Variants in LRRC4C observed in about 807,000 individuals in gnomAD.
The protein encoded by LRRC4C is leucine rich repeat containing 4C.
LRRC4C carries 5 observed loss-of-function variants against 33.6 expected under a neutral mutation model. That is an observed-to-expected ratio of 0.15 (90% CI 0.08 to 0.31). The LOEUF (loss-of-function observed/expected upper bound fraction) is 0.31, where lower values mean the gene tolerates loss of function less well. Among genes scored for constraint, LRRC4C ranks in the 10% least tolerant of loss-of-function variants. The pLI is 1.00. For missense variants in LRRC4C, 560 were observed against 796.7 expected (o/e 0.70, Z 3.58); for synonymous variants, 329 against 302.0 (o/e 1.09, Z -0.93).
At chr11:40,569,964 A>G (rs1957917936) in intron 3 of LRRC4C, among the ~76,000 whole-genome samples, 1 of 152,046 alleles carries the variant, frequency 6.6e-6, no homozygotes, top group East Asian at 1.9e-4. Flanking sequence ...TGCTCCATGG[A>G]GTTTGTACAA....
chr11:40,273,821 AAT>A (rs1565215058), intron 4 of LRRC4C, among the ~76,000 whole-genome samples: 1 of 152,168 alleles, frequency 6.6e-6, no homozygotes, highest in Non-Finnish European at 1.5e-5. Flanking sequence ...CAGAAATGAA[AAT>A]AGATATGACT....
intron 2 of LRRC4C, among the ~76,000 whole-genome samples, chr11:40,870,334 T>C (rs1042523063): frequency 2.0e-5 from 3 of 152,124 alleles, no homozygotes; most frequent in African/African-American, 7.2e-5. Context: ...GCATGGGATA[T>C]GGTGTGGAGG....
intron 2 of LRRC4C, among the ~76,000 whole-genome samples, chr11:40,911,423 C>T (rs114363237): frequency 9.1e-4 from 139 of 152,284 alleles, no homozygotes; most frequent in African/African-American, 3.2e-3. Context: ...GACGCTGATA[C>T]CCAGGCAAAT....
chr11:40,938,147 T>C (rs1015437499), intron 1 of LRRC4C, among the ~76,000 whole-genome samples: 2 of 152,194 alleles, frequency 1.3e-5, no homozygotes, highest in African/African-American at 2.4e-5. Context: ...TTATCCTGCA[T>C]TGGCAGAAAG....
chr11:41,376,961 A>G (rs1034254856), intron 1 of LRRC4C, among the ~76,000 whole-genome samples: 1 of 152,166 alleles, frequency 6.6e-6, no homozygotes, highest in African/African-American at 2.4e-5. Flanking sequence ...ATGTTATGAA[A>G]GAGAAAAGGG....
In LRRC4C at chr11:41,407,128, A is replaced by C. The variant is rs1362785686; in HGVS notation, c.-496+52303T>G. 2.0e-5 allele frequency among the ~76,000 whole-genome samples: 3 copies of C among 152,240 alleles called. No individual in the cohort carries two copies. In the East Asian group the frequency reaches 5.8e-4, roughly 29 times the overall value. On this transcript the variant is annotated intron_variant, in intron 1 of 6. Coordinates refer to ENST00000528697, the MANE Select transcript of LRRC4C (RefSeq NM_001258419.2). ...GGTCTCTGAATTTGAAAGGTCTTTC[A>C]GTGTCTATGGACCACGAAAAAACTG...
chr11:41,366,385 GATA>G (rs1453200275), intron 1 of LRRC4C, among the ~76,000 whole-genome samples: 1 of 151,978 alleles, frequency 6.6e-6, no homozygotes, highest in Non-Finnish European at 1.5e-5. Context: ...GGTAAAGTGG[GATA>G]ATAATTTAAC....
At chr11:41,241,495 G>T (rs954866086) in intron 1 of LRRC4C, among the ~76,000 whole-genome samples, 1 of 152,106 alleles carries the variant, frequency 6.6e-6, no homozygotes, top group African/African-American at 2.4e-5. Context: ...TAATATACTT[G>T]AGTTATCAAC....
chr11:40,195,401 A>G (rs10768584), intron 5 of LRRC4C, among the ~76,000 whole-genome samples: 66,378 of 151,970 alleles, frequency 0.44, 14,735 homozygotes, highest in East Asian at 0.58. Context: ...AATTTAAGGG[A>G]AATCTAAAAT....
chr11:40,405,453 T>A (rs1040316386), intron 3 of LRRC4C, among the ~76,000 whole-genome samples: 2 of 151,556 alleles, frequency 1.3e-5, no homozygotes, highest in Non-Finnish European at 2.9e-5. Context: ...TTGACAAACA[T>A]AGTGAAACCC....
At chr11:40,329,772 C>T (rs1247530520) in intron 3 of LRRC4C, among the ~76,000 whole-genome samples, 2 of 133,362 alleles carry the variant, frequency 1.5e-5, no homozygotes, top group Non-Finnish European at 3.1e-5. Flanking sequence ...GATGGAGTCT[C>T]AATCTGTCGC....
chr11:40,439,853 A>G (rs1312660028), intron 3 of LRRC4C, among the ~76,000 whole-genome samples: 4 of 152,190 alleles, frequency 2.6e-5, no homozygotes, highest in African/African-American at 9.6e-5. Context: ...AGGCCCTACA[A>G]CTAGTCATGT....
At chr11:40,456,645 G>A (rs548268543) in intron 3 of LRRC4C, among the ~76,000 whole-genome samples, 11 of 151,926 alleles carry the variant, frequency 7.2e-5, no homozygotes, top group South Asian at 4.1e-4. Context: ...AGAAAATTCC[G>A]TCTTTAGATT....
At chr11:40,620,189 GA>G (rs1308799022) in intron 3 of LRRC4C, among the ~76,000 whole-genome samples, 1 of 151,560 alleles carries the variant, frequency 6.6e-6, no homozygotes, top group Non-Finnish European at 1.5e-5. Context: ...AGAAGATAAT[GA>G]GAGGAGTTTC....
chr11:40,499,579 A>C (rs1954640772), intron 3 of LRRC4C, among the ~76,000 whole-genome samples: 1 of 147,748 alleles, frequency 6.8e-6, no homozygotes, highest in Non-Finnish European at 1.5e-5. Context: ...AAAGAGCCAC[A>C]AAAAATGTTC....
intron 2 of LRRC4C, among the ~76,000 whole-genome samples, chr11:40,800,420 C>T (rs1257882831): frequency 6.6e-6 from 1 of 152,128 alleles, no homozygotes; most frequent in Non-Finnish European, 1.5e-5. Context: ...TCATCAATAC[C>T]CATATTTTGT....
At chr11:40,786,197 AT>A (rs1398331945) in intron 2 of LRRC4C, among the ~76,000 whole-genome samples, 5 of 152,022 alleles carry the variant, frequency 3.3e-5, no homozygotes, top group Non-Finnish European at 7.4e-5. Context: ...TTCCCCTCAA[AT>A]TTTTATATAC....
At chr11:40,603,257 C>T (rs1003290172) in intron 3 of LRRC4C, among the ~76,000 whole-genome samples, 2 of 152,030 alleles carry the variant, frequency 1.3e-5, no homozygotes, top group Non-Finnish European at 2.9e-5. Context: ...TGATGATTAC[C>T]AAAGGAATTA....
At chr11:40,130,925 G>C (rs1590458986) in intron 6 of LRRC4C, among the ~76,000 whole-genome samples, 1 of 151,842 alleles carries the variant, frequency 6.6e-6, no homozygotes, top group East Asian at 1.9e-4. Context: ...TTTTACAATG[G>C]CTCTTTCTAC....
Sources: gnomAD v4.1 joint callset for allele counts (sites outside exome capture counted in the v4.1 genomes callset) on GRCh38, gnomAD v4.1.1 for gene constraint, MANE v1.5 for transcripts, NCBI Gene and HGNC (gene_info 2026-07-23, HGNC 2026-07-21) for gene names.